Variants in ENAH observed in about 807,000 individuals in gnomAD.
ENAH encodes the protein protein enabled homolog.
In ENAH, 23 loss-of-function variants were observed where a neutral mutation model predicts 78.7. That is an observed-to-expected ratio of 0.29 (90% CI 0.21 to 0.41). The LOEUF (loss-of-function observed/expected upper bound fraction) is 0.41, where lower values mean the gene tolerates loss of function less well. ENAH is among the 10% of genes least tolerant of loss of function. ENAH has a pLI of 1.00. For missense variants in ENAH, 544 were observed against 691.0 expected, an observed-to-expected ratio of 0.79 and a Z score of 2.39; for synonymous variants, 226 against 241.0, an observed-to-expected ratio of 0.94 and a Z score of 0.58.
At chr1:225,635,337 C>T (rs1659865493) in intron 1 of ENAH, among the ~76,000 whole-genome samples, 1 of 152,198 alleles carries the variant, frequency 6.6e-6, no homozygotes, top group South Asian at 2.1e-4. Context: ...CAAGCCACCA[C>T]ACCTAGCCTG....
In ENAH at chr1:225,491,822, T is replaced by TA. The variant is rs1447976139; in HGVS notation, c.*5952dup. ...CCTTCTTAGAAGAATAACTATTTAC[T>TA]AAAACCCAACCAAACCAACCTATAA... On this transcript the variant is annotated 3_prime_UTR_variant, in exon 14 of 14. Transcript: ENST00000366843. 2.0e-5 allele frequency: 3 copies of TA among 152,236 alleles called. No homozygotes were observed. The highest frequency in any genetic ancestry group is 2.9e-5 in the Non-Finnish European group (2 of 68,044). 9.4% of individuals were successfully genotyped at this position (152,236 alleles called of 1,614,324 possible).
chr1:225,558,350 A>C (rs982503735), intron 2 of ENAH, among the ~76,000 whole-genome samples: 1 of 152,184 alleles, frequency 6.6e-6, no homozygotes, highest in Non-Finnish European at 1.5e-5. Context: ...GAGCCAGCTA[A>C]ACAAAGTTTT....
chr1:225,542,586 A>C (rs1398910296), intron 3 of ENAH, among the ~76,000 whole-genome samples: 1 of 152,242 alleles, frequency 6.6e-6, no homozygotes, highest in Admixed American at 6.5e-5. Flanking sequence ...AAAACAACAC[A>C]AGACAGCTAA....
At chr1:225,561,011 A>G (rs2096701466) in intron 2 of ENAH, among the ~76,000 whole-genome samples, 1 of 152,090 alleles carries the variant, frequency 6.6e-6, no homozygotes, top group East Asian at 1.9e-4. Context: ...CAAGGCGGGC[A>G]GATCACGATG....
At chr1:225,609,656 ATTTTTTTTTTTTTT>A (rs59508510) in intron 1 of ENAH, among the ~76,000 whole-genome samples, 2 of 76,484 alleles carry the variant, frequency 2.6e-5, no homozygotes, top group South Asian at 5.0e-4. Flanking sequence ...GGAAAAATGG[ATTTTTTTTTTTTTT>A]TTTTTTTTTT....
chr1:225,635,969 C>G (rs1043036063), intron 1 of ENAH, among the ~76,000 whole-genome samples: 16 of 152,208 alleles, frequency 1.1e-4, no homozygotes, highest in African/African-American at 2.4e-5. Context: ...ATTTCAGACT[C>G]AAGATGCAAC....
intron 1 of ENAH, among the ~76,000 whole-genome samples, chr1:225,610,572 A>C (rs977873230): frequency 6.6e-6 from 1 of 152,144 alleles, no homozygotes; most frequent in Non-Finnish European, 1.5e-5. Context: ...TATGTGACTC[A>C]AGAGAGCTGA....
At chr1:225,528,880 C>T (rs1372517037) in intron 4 of ENAH, among the ~76,000 whole-genome samples, 1 of 152,118 alleles carries the variant, frequency 6.6e-6, no homozygotes, top group African/African-American at 2.4e-5. Flanking sequence ...CCATCCTTCC[C>T]ACTAGCTTAG....
chr1:225,640,084 A>G (rs575960818), intron 1 of ENAH, among the ~76,000 whole-genome samples: 1 of 152,260 alleles, frequency 6.6e-6, no homozygotes, highest in Non-Finnish European at 1.5e-5. Context: ...TCTGAAAATC[A>G]AAGTTAGGAA....
chr1:225,562,301 A>C (rs183669971), intron 2 of ENAH, among the ~76,000 whole-genome samples: 1,758 of 151,850 alleles, frequency 0.012, 20 homozygotes, highest in Non-Finnish European at 0.016. Context: ...GGCCGGGCGC[A>C]GTGGCTCACG....
chr1:225,652,326 C>A lies in ENAH; in HGVS notation c.5+360G>T, dbSNP rs1663171129. 8 of 985,354 alleles carry A rather than the reference C, an allele frequency of 8.1e-6. No individual in the cohort carries two copies. In the South Asian group the frequency reaches 3.8e-4, roughly 46 times the overall value. The allele number at this position is 985,354 out of a possible 1,614,324, so 61.0% of individuals were successfully genotyped here. A position where few individuals can be genotyped will look rare whatever the true frequency, so the allele number is the denominator to read the frequency against. ...TATATACGAAAAAATACCTGTTTCC[C>A]AGCAACACGCACGCTTCGATTCTCG... is the stretch of plus-strand genomic sequence containing the variant. On this transcript the variant is annotated intron_variant, in intron 1 of 13. Coordinates refer to ENST00000366843, the MANE Select transcript of ENAH (RefSeq NM_018212.6).
intron 1 of ENAH, among the ~76,000 whole-genome samples, chr1:225,608,170 A>C (rs1235478689): frequency 2.0e-5 from 3 of 151,628 alleles, no homozygotes; most frequent in African/African-American, 7.3e-5. Flanking sequence ...TTTCAAATTA[A>C]AGACAGCAGA....
intron 3 of ENAH, among the ~76,000 whole-genome samples, chr1:225,541,969 C>T (rs997062189): frequency 2.0e-5 from 3 of 152,172 alleles, no homozygotes; most frequent in African/African-American, 7.2e-5. Context: ...GAACCTCAAA[C>T]TCCCAGGCTC....
intron 4 of ENAH, among the ~76,000 whole-genome samples, chr1:225,520,939 AGGGAGGGAG>A (rs1451328884): frequency 2.8e-4 from 1 of 3,594 alleles, no homozygotes; most frequent in African/African-American, 7.8e-4. Flanking sequence ...GGAGGGAGGG[AGGGAGGGAG>A]GGAGGGAGGG....
chr1:225,523,684 C>T (rs747449612), intron 4 of ENAH, among the ~76,000 whole-genome samples: 4 of 152,038 alleles, frequency 2.6e-5, no homozygotes, highest in Admixed American at 1.3e-4. Flanking sequence ...CTCTGGCTTC[C>T]GAATCTTGTG....
intron 3 of ENAH, among the ~76,000 whole-genome samples, chr1:225,537,516 C>G (rs2096567591): frequency 6.6e-6 from 1 of 152,166 alleles, no homozygotes; most frequent in African/African-American, 2.4e-5. Context: ...CCTAACAGAA[C>G]TTCCTGCTTA....
At chr1:225,651,529 T>C (rs1663007468) in intron 1 of ENAH, among the ~76,000 whole-genome samples, 1 of 152,206 alleles carries the variant, frequency 6.6e-6, no homozygotes, top group Admixed American at 6.5e-5. Context: ...TATTACATTA[T>C]AAAGGTCTTA....
intron 7 of ENAH, 64 bp from the exon 8 acceptor site, chr1:225,513,080 T>C (rs990115484): frequency 7.2e-6 from 10 of 1,383,444 alleles, no homozygotes; most frequent in Non-Finnish European, 9.7e-6. Context: ...TATTAATATA[T>C]TACATCTAAA....
intron 1 of ENAH, among the ~76,000 whole-genome samples, chr1:225,603,950 T>A (rs974540549): frequency 3.9e-5 from 6 of 152,240 alleles, no homozygotes; most frequent in Admixed American, 1.3e-4. Flanking sequence ...ATAAAATTAA[T>A]GAAATTATTA....
Sources: gnomAD v4.1 joint callset for allele counts (sites outside exome capture counted in the v4.1 genomes callset) on GRCh38, gnomAD v4.1.1 for gene constraint, MANE v1.5 for transcripts, NCBI Gene and HGNC (gene_info 2026-07-23, HGNC 2026-07-21) for gene names.